Variants in CNRIP1 observed in about 807,000 individuals in gnomAD.
CNRIP1 encodes CB1 cannabinoid receptor-interacting protein 1.
In CNRIP1, 10 loss-of-function variants were observed where a neutral mutation model predicts 15.2. The observed-to-expected ratio is 0.66, with a 90% CI of 0.41 to 1.12. The LOEUF is 1.12. CNRIP1 is among the 50% of genes most tolerant of loss of function. The pLI, the probability that CNRIP1 is intolerant of heterozygous loss-of-function variation, is 0.00. For synonymous variants in CNRIP1, 91 were observed against 83.2 expected (o/e 1.09, Z -0.51); for missense variants, 211 against 214.7 (o/e 0.98, Z 0.11).
At chr2:68,298,069 T>G (rs1671448026) in intron 2 of CNRIP1, among the ~76,000 whole-genome samples, 1 of 152,160 alleles carries the variant, frequency 6.6e-6, no homozygotes, top group South Asian at 2.1e-4. Context: ...CCTAAGGGAT[T>G]TTATAAATTC....
chr2:68,305,591 T>G (rs143025554), intron 2 of CNRIP1, among the ~76,000 whole-genome samples: 15 of 151,052 alleles, frequency 9.9e-5, no homozygotes, highest in South Asian at 2.1e-4. Context: ...GTCAGGAGAT[T>G]GAGACCATCC....
chr2:68,284,297 T>C, exon 3 of CNRIP1: 2 of 554,680 alleles, frequency 3.6e-6, no homozygotes, highest in Non-Finnish European at 3.0e-6. Flanking sequence ...TTTAGGAATC[T>C]ACATTTTAAC....
At chr2:68,286,325 C>G (rs1671030425) in intron 2 of CNRIP1, among the ~76,000 whole-genome samples, 1 of 147,202 alleles carries the variant, frequency 6.8e-6, no homozygotes, top group African/African-American at 2.7e-5. Context: ...CGAACACACA[C>G]ACACACACAC....
At chr2:68,317,360 G>A in intron 1 of CNRIP1, 53 bp from the exon 2 acceptor site, 1 of 1,590,694 alleles carries the variant, frequency 6.3e-7, no homozygotes, top group South Asian at 1.1e-5. Flanking sequence ...TAGGCACCCT[G>A]TCCTGTTTTG....
intron 2 of CNRIP1, among the ~76,000 whole-genome samples, chr2:68,313,824 A>T (rs1276742316): frequency 6.6e-6 from 1 of 152,150 alleles, no homozygotes; most frequent in Non-Finnish European, 1.5e-5. Context: ...TCCTATAGTC[A>T]TTAGGATAAA....
chr2:68,309,799 A>G (rs753192672), intron 2 of CNRIP1, among the ~76,000 whole-genome samples: 88 of 152,218 alleles, frequency 5.8e-4, no homozygotes, highest in Admixed American at 4.3e-3. Context: ...AAATCTGACT[A>G]TAAACTCTGC....
In CNRIP1 at chr2:68,285,656, CA is replaced by C. The variant is rs772428324; in HGVS notation, c.331-1173del. Among the ~76,000 whole-genome samples, 147 of 103,882 alleles carry C rather than the reference CA, an allele frequency of 1.4e-3. 1 individual carries two copies. Among genetic ancestry groups the C allele is most frequent in the African/African-American group, 2.5e-3 (66 of 25,946 alleles). The allele number at this position is 103,882 out of a possible 152,430, so 68.2% of individuals were successfully genotyped here. A position where few individuals can be genotyped will look rare whatever the true frequency, so the allele number is the denominator to read the frequency against. On this transcript the variant is annotated intron_variant, in intron 2 of 2. Transcript: ENST00000409559. The stretch of plus-strand genomic sequence containing the variant: ...GCTGTTACAGAGCAAGACCCTGTCT[CA>C]AAAAAAAAAAAAAAAGAAAAGAAAA...
At chr2:68,307,447 G>C (rs1453059176) in intron 2 of CNRIP1, among the ~76,000 whole-genome samples, 1 of 152,102 alleles carries the variant, frequency 6.6e-6, no homozygotes, top group African/African-American at 2.4e-5. Context: ...TCAGTCTCTG[G>C]AGTAGCTGAG....
In CNRIP1 at chr2:68,319,667, G is replaced by T; in HGVS notation, c.-267C>A. Reference sequence around the variant, plus strand: ...AAGGCCGCGCGCTTCCCCATCCCCCGCTCCAGTGCTGCGCCCTCCACGCAC... The same window carrying T: ...AAGGCCGCGCGCTTCCCCATCCCCCTCTCCAGTGCTGCGCCCTCCACGCAC... On this transcript the variant is annotated 5_prime_UTR_variant, in exon 1 of 3. Coordinates refer to ENST00000263655, the MANE Select transcript of CNRIP1 (RefSeq NM_015463.3). The T allele has an allele frequency of 2.3e-6, 1 of 431,082 alleles. No individual in the cohort carries two copies. The highest frequency in any genetic ancestry group is 4.4e-5 in the East Asian group (1 of 22,722). 26.7% of individuals were successfully genotyped at this position (431,082 alleles called of 1,614,324 possible).
intron 2 of CNRIP1, among the ~76,000 whole-genome samples, chr2:68,305,243 T>C (rs1671774727): frequency 9.6e-5 from 1 of 10,420 alleles, no homozygotes; most frequent in Admixed American, 1.7e-3. Flanking sequence ...AAACTCCGTC[T>C]CAAAAAAAAA....
intron 2 of CNRIP1, among the ~76,000 whole-genome samples, chr2:68,315,718 G>A (rs543355759): frequency 2.0e-5 from 3 of 151,904 alleles, no homozygotes; most frequent in Non-Finnish European, 2.9e-5. Flanking sequence ...TCTTGTCACC[G>A]AGGCTGGAGT....
At chr2:68,318,225 G>A (rs1363126486) in intron 1 of CNRIP1, among the ~76,000 whole-genome samples, 1 of 152,114 alleles carries the variant, frequency 6.6e-6, no homozygotes, top group Non-Finnish European at 1.5e-5. Context: ...TTGCACCTTG[G>A]AAGGCTAATA....
chr2:68,284,637 C>T (rs551808352), intron 2 of CNRIP1, among the ~76,000 whole-genome samples: 1 of 151,852 alleles, frequency 6.6e-6, no homozygotes, highest in Non-Finnish European at 1.5e-5. Flanking sequence ...ATGGTGAAGC[C>T]CCATCTCTAC....
Position 68,317,913 on chromosome 2 carries a change from G to A in CNRIP1, c.180-606C>T, listed in dbSNP as rs142785035. On this transcript the variant is annotated intron_variant, in intron 1 of 2. Coordinates refer to ENST00000263655, the MANE Select transcript of CNRIP1 (RefSeq NM_015463.3). ...CAGGTTTGAGAACCACAGGATTAGAGTTGAGAAATCCTTGATAGCATTAAA... is the reference window on the plus strand; with the variant it reads ...CAGGTTTGAGAACCACAGGATTAGAATTGAGAAATCCTTGATAGCATTAAA... Among the ~76,000 whole-genome samples the A allele has an allele frequency of 3.0e-4, 45 of 152,030 alleles. No individual in the cohort carries two copies. In the East Asian group the frequency reaches 8.5e-3, roughly 29 times the overall value.
At chr2:68,302,957 C>T (rs918429570) in intron 2 of CNRIP1, among the ~76,000 whole-genome samples, 8 of 150,702 alleles carry the variant, frequency 5.3e-5, no homozygotes, top group Non-Finnish European at 7.4e-5. Context: ...ACGCCATTCT[C>T]CTGCCTCAGC....
intron 2 of CNRIP1, among the ~76,000 whole-genome samples, chr2:68,296,940 A>AT (rs999595708): frequency 6.6e-6 from 1 of 151,754 alleles, no homozygotes; most frequent in African/African-American, 2.4e-5. Context: ...CAACTTCTAT[A>AT]TTTTTTAGCA....
In CNRIP1 at chr2:68,319,671, C is replaced by G; in HGVS notation, c.-271G>C. Reference sequence around the variant, plus strand: ...CCGCGCGCTTCCCCATCCCCCGCTCCAGTGCTGCGCCCTCCACGCACCCGA... The same window carrying G: ...CCGCGCGCTTCCCCATCCCCCGCTCGAGTGCTGCGCCCTCCACGCACCCGA... On this transcript the variant is annotated 5_prime_UTR_variant, in exon 1 of 3. Transcript: ENST00000263655. The G allele has an allele frequency of 7.2e-6, 3 of 417,034 alleles. No homozygotes were observed. The highest frequency in any genetic ancestry group is 1.3e-5 in the Non-Finnish European group (3 of 232,402). The allele number at this position is 417,034 out of a possible 1,614,324, so 25.8% of individuals were successfully genotyped here. A position where few individuals can be genotyped will look rare whatever the true frequency, so the allele number is the denominator to read the frequency against.
intron 2 of CNRIP1, chr2:68,284,582 C>T: frequency 4.4e-6 from 3 of 679,004 alleles, no homozygotes; most frequent in South Asian, 2.0e-5. Context: ...GAGGCCAAGG[C>T]AGGCAGATCT....
At chr2:68,297,546 C>A (rs1255927642) in intron 2 of CNRIP1, among the ~76,000 whole-genome samples, 1 of 117,674 alleles carries the variant, frequency 8.5e-6, no homozygotes, top group South Asian at 2.7e-4. Context: ...TTAGCCTGGG[C>A]AACAGGGCAA....
Sources: gnomAD v4.1 joint callset for allele counts (sites outside exome capture counted in the v4.1 genomes callset) on GRCh38, gnomAD v4.1.1 for gene constraint, MANE v1.5 for transcripts, NCBI Gene and HGNC (gene_info 2026-07-23, HGNC 2026-07-21) for gene names.